PTPRM: variants seen among roughly 807,000 people sequenced by gnomAD.
PTPRM encodes protein tyrosine phosphatase receptor type M.
A neutral mutation model predicts 186.7 loss-of-function variants in PTPRM; 47 were observed. The ratio of observed to expected loss-of-function variants is 0.25; its 90% CI spans 0.20 to 0.32. The LOEUF is 0.32. Among genes scored for constraint, PTPRM ranks in the 10% least tolerant of loss-of-function variants. PTPRM has a pLI of 1.00. For missense variants in PTPRM, 1,494 were observed against 1,865.0 expected, an observed-to-expected ratio of 0.80 and a Z score of 3.66; for synonymous variants, 668 against 674.9, an observed-to-expected ratio of 0.99 and a Z score of 0.16.
intron 7 of PTPRM, among the ~76,000 whole-genome samples, chr18:8,039,236 TA>T (rs539694610): frequency 1.2e-3 from 178 of 152,238 alleles, no homozygotes; most frequent in African/African-American, 4.0e-3. Flanking sequence ...TGAAGCTTCA[TA>T]AAAAGTTGTA....
intron 14 of PTPRM, among the ~76,000 whole-genome samples, chr18:8,212,538 C>G (rs1371255686): frequency 1.3e-5 from 2 of 152,172 alleles, no homozygotes; most frequent in Admixed American, 1.3e-4. Flanking sequence ...CACAGTTGTT[C>G]ATGCCTGTAA....
At chr18:7,654,071 A>G (rs1373298564) in intron 1 of PTPRM, among the ~76,000 whole-genome samples, 1 of 152,066 alleles carries the variant, frequency 6.6e-6, no homozygotes, top group Admixed American at 6.6e-5. Flanking sequence ...ATGATCGGTG[A>G]TGTTGAACTT....
intron 19 of PTPRM, 70 bp from the exon 20 acceptor site, chr18:8,296,298 C>T: frequency 1.0e-6 from 1 of 962,510 alleles, no homozygotes; most frequent in Non-Finnish European, 1.7e-6. Context: ...TTTTTAAGAA[C>T]ATCCTCCATC....
At chr18:8,266,535 G>A (rs1159320243) in intron 19 of PTPRM, among the ~76,000 whole-genome samples, 4 of 152,220 alleles carry the variant, frequency 2.6e-5, no homozygotes, top group African/African-American at 7.2e-5. Flanking sequence ...GTCATGTCAC[G>A]GAAAAGAAAG....
At chr18:8,047,830 G>T (rs1439223045) in intron 7 of PTPRM, among the ~76,000 whole-genome samples, 1 of 152,122 alleles carries the variant, frequency 6.6e-6, no homozygotes, top group East Asian at 1.9e-4. Context: ...AGGATGTCTG[G>T]AACTTTTTCC....
intron 2 of PTPRM, among the ~76,000 whole-genome samples, chr18:7,836,386 G>A (rs1207635017): frequency 1.3e-5 from 2 of 152,164 alleles, no homozygotes; most frequent in African/African-American, 4.8e-5. Flanking sequence ...AATGCTCTGT[G>A]CCTCTTTAAT....
At chr18:7,838,489 T>C (rs969527986) in intron 2 of PTPRM, among the ~76,000 whole-genome samples, 1 of 152,218 alleles carries the variant, frequency 6.6e-6, no homozygotes, top group Non-Finnish European at 1.5e-5. Flanking sequence ...GAGACTCTTG[T>C]TCTCTTCCCT....
intron 1 of PTPRM, among the ~76,000 whole-genome samples, chr18:7,685,724 T>TG (rs1046339934): frequency 2.0e-5 from 3 of 152,182 alleles, no homozygotes; most frequent in South Asian, 2.1e-4. Context: ...TTGGTTTTTT[T>TG]TTTGTTTGTT....
In PTPRM at chr18:7,668,942, T is replaced by G. The variant is rs1416840571; in HGVS notation, c.73+101051T>G. ...TTTGTCTCTTTTCCTCAATGACATG[T>G]GTCAGATGCCTTAGACCAGTGCCTG... On this transcript the variant is annotated intron_variant, in intron 1 of 32. Coordinates refer to ENST00000580170, the MANE Select transcript of PTPRM (RefSeq NM_001105244.2). The surrounding 1 kb of genome is among the most constrained non-coding windows in gnomAD (Gnocchi z 4.7). 1.3e-5 allele frequency among the ~76,000 whole-genome samples: 2 copies of G among 152,062 alleles called. No individual in the cohort carries two copies. Among genetic ancestry groups the G allele is most frequent in the Non-Finnish European group, 2.9e-5 (2 of 68,024 alleles).
chr18:7,862,642 C>A (rs2047451843), intron 2 of PTPRM, among the ~76,000 whole-genome samples: 1 of 152,122 alleles, frequency 6.6e-6, no homozygotes, highest in African/African-American at 2.4e-5. Flanking sequence ...AGGTGGAAAA[C>A]AAACTTGATA....
rs145946113 is a variant in PTPRM, at chr18:8,210,791, T to C, written c.2301-33267T>C. ...CAGTGAGCCCTGGGGGAACTGTTGCTTTAAAGGGTTTGGGAGTTGAGGAGG... is the reference window on the plus strand; with the variant it reads ...CAGTGAGCCCTGGGGGAACTGTTGCCTTAAAGGGTTTGGGAGTTGAGGAGG... On this transcript the variant is annotated intron_variant, in intron 14 of 32. Transcript: ENST00000580170. 2.9e-3 allele frequency among the ~76,000 whole-genome samples: 445 copies of C among 152,274 alleles called. 2 individuals are homozygous for C. Among genetic ancestry groups the C allele is most frequent in the Non-Finnish European group, 5.3e-3 (361 of 68,018 alleles).
chr18:7,862,780 G>A (rs1310551865), intron 2 of PTPRM, among the ~76,000 whole-genome samples: 1 of 152,052 alleles, frequency 6.6e-6, no homozygotes, highest in South Asian at 2.1e-4. Flanking sequence ...AATCTAAAGA[G>A]GACATGATTC....
intron 20 of PTPRM, among the ~76,000 whole-genome samples, chr18:8,301,600 T>C (rs2095158651): frequency 6.6e-6 from 1 of 152,250 alleles, no homozygotes; most frequent in African/African-American, 2.4e-5. Flanking sequence ...TGCCAGGCAC[T>C]GTGCCAAACC....
intron 22 of PTPRM, among the ~76,000 whole-genome samples, chr18:8,329,267 G>C (rs1479514999): frequency 6.6e-6 from 1 of 152,212 alleles, no homozygotes; most frequent in Non-Finnish European, 1.5e-5. Flanking sequence ...TATTATAACA[G>C]TTGGCACTTA....
chr18:8,017,687 G>A (rs2084964843), intron 7 of PTPRM: 1 of 151,880 alleles, frequency 6.6e-6, no homozygotes, highest in Non-Finnish European at 1.5e-5. Context: ...TTGCTTTGGA[G>A]TGAGGAAAAC....
chr18:7,966,695 G>A (rs867183310), intron 7 of PTPRM, among the ~76,000 whole-genome samples: 25 of 147,268 alleles, frequency 1.7e-4, no homozygotes, highest in Middle Eastern at 6.9e-3. Flanking sequence ...AAGGGGTGAC[G>A]GGCGCACCTG....
intron 14 of PTPRM, among the ~76,000 whole-genome samples, chr18:8,177,055 C>T (rs2093495155): frequency 6.6e-6 from 1 of 152,082 alleles, no homozygotes; most frequent in African/African-American, 2.4e-5. Context: ...TCTGTCAACC[C>T]CATTTTCTCC....
chr18:8,063,982 T>G (rs1352261710), intron 7 of PTPRM, among the ~76,000 whole-genome samples: 2 of 152,160 alleles, frequency 1.3e-5, no homozygotes, highest in African/African-American at 4.8e-5. Context: ...TGGCCTATGT[T>G]TAGAGTGTTA....
At chr18:8,015,859 G>T (rs2147910880) in intron 7 of PTPRM, among the ~76,000 whole-genome samples, 1 of 152,194 alleles carries the variant, frequency 6.6e-6, no homozygotes, top group East Asian at 1.9e-4. Context: ...CCTACAGGTA[G>T]GAAAAATTGC....
Sources: gnomAD v4.1 joint callset for allele counts (sites outside exome capture counted in the v4.1 genomes callset) on GRCh38, gnomAD v4.1.1 for gene constraint, Gnocchi (gnomAD v3.1) non-coding constraint, MANE v1.5 for transcripts, NCBI Gene and HGNC (gene_info 2026-07-23, HGNC 2026-07-21) for gene names.